Variants in CDH12 observed in about 807,000 individuals in gnomAD.
CDH12 encodes cadherin-12.
Under a neutral mutation model 74.1 loss-of-function variants are expected in CDH12, and 41 were observed. The observed-to-expected ratio is 0.55, with a 90% CI of 0.43 to 0.72. The LOEUF is 0.72. CDH12 is among the 30% of genes least tolerant of loss of function. The pLI is 0.00. For synonymous variants in CDH12, 399 were observed against 355.0 expected (o/e 1.12, Z -1.39); for missense variants, 945 against 977.2 (o/e 0.97, Z 0.44).
chr5:22,584,006 T>C (rs1316035915), intron 1 of CDH12, among the ~76,000 whole-genome samples: 1 of 152,130 alleles, frequency 6.6e-6, no homozygotes, highest in Non-Finnish European at 1.5e-5. Context: ...CACTAATGTA[T>C]CCATCAAACT....
At chr5:22,119,334 A>C (rs1226716269) in intron 4 of CDH12, among the ~76,000 whole-genome samples, 2 of 130,644 alleles carry the variant, frequency 1.5e-5, no homozygotes, top group Non-Finnish European at 3.1e-5. Flanking sequence ...TGTGTTGCCC[A>C]GGCTGGAGTG....
chr5:22,726,978 C>T (rs1465652333), intron 1 of CDH12, among the ~76,000 whole-genome samples: 2 of 151,700 alleles, frequency 1.3e-5, no homozygotes, highest in African/African-American at 4.8e-5. Context: ...TGTCCTTTAG[C>T]GTCCTTAAGG....
At chr5:22,848,922 C>T (rs1423122193) in intron 1 of CDH12, among the ~76,000 whole-genome samples, 2 of 151,520 alleles carry the variant, frequency 1.3e-5, no homozygotes, top group African/African-American at 4.8e-5. Flanking sequence ...TTTTTCTCAT[C>T]ATATCATATA....
intron 3 of CDH12, among the ~76,000 whole-genome samples, chr5:22,372,543 C>T (rs1467054958): frequency 1.3e-5 from 2 of 152,132 alleles, no homozygotes; most frequent in South Asian, 2.1e-4. Flanking sequence ...GGCTTCCAAG[C>T]CCTGAGCAGC....
chr5:22,150,332 T>C (rs1747483177), intron 4 of CDH12, among the ~76,000 whole-genome samples: 1 of 152,166 alleles, frequency 6.6e-6, no homozygotes, highest in Admixed American at 6.6e-5. Context: ...TTAAATGTAC[T>C]GTACCTGCCT....
intron 1 of CDH12, among the ~76,000 whole-genome samples, chr5:22,819,889 G>A (rs1749583094): frequency 6.8e-6 from 1 of 147,656 alleles, no homozygotes; most frequent in Admixed American, 6.8e-5. Context: ...TTTATATCCA[G>A]ATATAAGATA....
intron 1 of CDH12, among the ~76,000 whole-genome samples, chr5:22,644,633 T>C (rs1256918248): frequency 1.3e-5 from 2 of 152,004 alleles, no homozygotes; most frequent in Non-Finnish European, 2.9e-5. Context: ...ATATAGAAGC[T>C]GCAGTATGTT....
chr5:22,822,880 T>G (rs1749783488), intron 1 of CDH12, among the ~76,000 whole-genome samples: 1 of 152,176 alleles, frequency 6.6e-6, no homozygotes, highest in Non-Finnish European at 1.5e-5. Flanking sequence ...ATCCGATTCC[T>G]GGGTATATAC....
intron 8 of CDH12, among the ~76,000 whole-genome samples, chr5:21,819,573 G>T (rs1042275595): frequency 6.6e-6 from 1 of 151,986 alleles, no homozygotes; most frequent in Non-Finnish European, 1.5e-5. Flanking sequence ...GCTCATAAAT[G>T]AGTGTTAGAA....
intron 3 of CDH12, among the ~76,000 whole-genome samples, chr5:22,324,459 T>C (rs903178605): frequency 6.6e-6 from 1 of 152,152 alleles, no homozygotes; most frequent in Non-Finnish European, 1.5e-5. Flanking sequence ...TTGCAACATA[T>C]AGAATTCTGT....
At chr5:22,798,373 T>C (rs763565988) in intron 1 of CDH12, among the ~76,000 whole-genome samples, 5 of 152,142 alleles carry the variant, frequency 3.3e-5, no homozygotes, top group African/African-American at 7.2e-5. Flanking sequence ...TTCAAATGTA[T>C]ACAGACACAT....
At chr5:21,812,511 A>G (rs1261635978) in intron 9 of CDH12, among the ~76,000 whole-genome samples, 1 of 152,140 alleles carries the variant, frequency 6.6e-6, no homozygotes, top group Non-Finnish European at 1.5e-5. Flanking sequence ...CTGAGAACTT[A>G]TTGAATATAT....
intron 3 of CDH12, among the ~76,000 whole-genome samples, chr5:22,341,835 AT>A (rs1221021746): frequency 6.6e-6 from 1 of 152,120 alleles, no homozygotes; most frequent in East Asian, 1.9e-4. Context: ...TGGTGCTTTC[AT>A]TCCTAGAAAT....
In CDH12 at chr5:22,733,439, CT is replaced by C. The variant is rs76609709; in HGVS notation, c.-523+119618del. ...TTAAACTGTCATTTTCTTTGTGAATCTTTTTTTTTTTTTAGTTTAGCATATT... is the reference window on the plus strand; with the variant it reads ...TTAAACTGTCATTTTCTTTGTGAATCTTTTTTTTTTTTAGTTTAGCATATT... On this transcript the variant is annotated intron_variant, in intron 1 of 14. Coordinates refer to ENST00000382254, the MANE Select transcript of CDH12 (RefSeq NM_004061.5). Among the ~76,000 whole-genome samples the C allele has an allele frequency of 4.5e-3, 644 of 142,056 alleles. 1 individual carries two copies. The highest frequency in any genetic ancestry group is 0.013 in the East Asian group (63 of 4,842). The allele number at this position is 142,056 out of a possible 152,430, so 93.2% of individuals were successfully genotyped here.
At chr5:22,137,152 T>A (rs190754958) in intron 4 of CDH12, among the ~76,000 whole-genome samples, 1 of 152,074 alleles carries the variant, frequency 6.6e-6, no homozygotes, top group African/African-American at 2.4e-5. Flanking sequence ...AAAACTTGCC[T>A]TACAAATTTT....
chr5:22,556,107 A>C (rs1373794826), intron 1 of CDH12, among the ~76,000 whole-genome samples: 1 of 152,086 alleles, frequency 6.6e-6, no homozygotes, highest in Non-Finnish European at 1.5e-5. Context: ...ATCAGTTCAA[A>C]AATAAATTTT....
intron 3 of CDH12, among the ~76,000 whole-genome samples, chr5:22,249,297 C>T (rs1300960517): frequency 5.9e-5 from 9 of 152,056 alleles, no homozygotes; most frequent in Non-Finnish European, 1.2e-4. Flanking sequence ...TACAGGTATA[C>T]CCAGAGGGTA....
intron 10 of CDH12, among the ~76,000 whole-genome samples, chr5:21,800,708 G>T (rs1579725739): frequency 6.6e-6 from 1 of 152,146 alleles, no homozygotes; most frequent in East Asian, 1.9e-4. Flanking sequence ...ATTTAGAATT[G>T]TAATCCCTAC....
chr5:21,913,832 C>T (rs1376028222), intron 6 of CDH12, among the ~76,000 whole-genome samples: 1 of 152,040 alleles, frequency 6.6e-6, no homozygotes, highest in Non-Finnish European at 1.5e-5. Flanking sequence ...TACAGGTATG[C>T]ACCACCATAC....
Sources: allele counts gnomAD v4.1 joint callset (sites outside exome capture counted in the v4.1 genomes callset), GRCh38; gene constraint gnomAD v4.1.1; transcripts MANE v1.5; gene names NCBI Gene and HGNC (gene_info 2026-07-23, HGNC 2026-07-21).